The following RAD51B variants were observed in gnomAD, a reference collection of about 807,000 sequenced individuals.
RAD51B encodes RAD51 paralog B.
Under a neutral mutation model 42.2 loss-of-function variants are expected in RAD51B, and 38 were observed. The ratio of observed to expected loss-of-function variants is 0.90; its 90% CI spans 0.70 to 1.18. The LOEUF (loss-of-function observed/expected upper bound fraction) is 1.18. RAD51B is among the 50% of genes most tolerant of loss of function. The pLI is 0.00. For synonymous variants in RAD51B, 154 were observed against 145.2 expected (o/e 1.06, Z -0.43); for missense variants, 373 against 400.7 (o/e 0.93, Z 0.59).
intron 10 of RAD51B, among the ~76,000 whole-genome samples, chr14:68,558,474 G>A (rs1272693750): frequency 6.6e-6 from 1 of 152,168 alleles, no homozygotes. Flanking sequence ...TCAAGGTTTC[G>A]GCAGGGCCAT....
At chr14:68,005,664 C>G (rs1375904155) in intron 7 of RAD51B, among the ~76,000 whole-genome samples, 1 of 152,086 alleles carries the variant, frequency 6.6e-6, no homozygotes, top group East Asian at 1.9e-4. Context: ...GTTAACTTGC[C>G]TTTCTTTGAT....
intron 7 of RAD51B, among the ~76,000 whole-genome samples, chr14:68,272,025 G>A (rs967864508): frequency 1.2e-4 from 18 of 152,172 alleles, no homozygotes; most frequent in African/African-American, 4.3e-4. Context: ...AGCAATTTTT[G>A]TGTGCCACAC....
In RAD51B at chr14:67,933,231, C is replaced by G. The variant is rs372729058; in HGVS notation, c.756+46027C>G. On this transcript the variant is annotated intron_variant, in intron 7 of 10. Coordinates refer to ENST00000471583, the MANE Select transcript of RAD51B (RefSeq NM_133510.4). ...CCATTCCCTGAGGAGTAGTGTTTTC[C>G]ATGGGCTAGAATACTGGGGACCCTG... 5.8e-4 allele frequency among the ~76,000 whole-genome samples: 89 copies of G among 152,258 alleles called. 1 individual carries two copies. In the South Asian group the frequency reaches 0.018, roughly 32 times the overall value.
intron 8 of RAD51B, among the ~76,000 whole-genome samples, chr14:68,399,006 C>T (rs2084007345): frequency 6.6e-6 from 1 of 152,038 alleles, no homozygotes; most frequent in African/African-American, 2.4e-5. Context: ...TGGGATGGGG[C>T]CTAGGATTCT....
chr14:68,642,930 T>C (rs1268532723), intron 10 of RAD51B, among the ~76,000 whole-genome samples: 1 of 152,260 alleles, frequency 6.6e-6, no homozygotes, highest in Non-Finnish European at 1.5e-5. Context: ...AGACTATTTC[T>C]AGTTTAATTC....
chr14:68,438,524 C>T (rs916296895), intron 9 of RAD51B, among the ~76,000 whole-genome samples: 1 of 152,146 alleles, frequency 6.6e-6, no homozygotes, highest in African/African-American at 2.4e-5. Context: ...CCATCCAGGC[C>T]TCAATGACTG....
intron 10 of RAD51B, chr14:68,563,901 C>A (rs530519460): frequency 1.0e-6 from 1 of 985,392 alleles, no homozygotes; most frequent in Non-Finnish European, 1.2e-6. Flanking sequence ...GTAACGGCCA[C>A]AGGCCGATTC....
At chr14:68,020,824 T>C (rs2075852119) in intron 7 of RAD51B, among the ~76,000 whole-genome samples, 2 of 152,186 alleles carry the variant, frequency 1.3e-5, no homozygotes, top group South Asian at 2.1e-4. Flanking sequence ...CAACATATTA[T>C]TTTCTAATCT....
intron 7 of RAD51B, among the ~76,000 whole-genome samples, chr14:68,241,121 C>T (rs2080374681): frequency 6.6e-6 from 1 of 152,206 alleles, no homozygotes; most frequent in African/African-American, 2.4e-5. Context: ...GGCGGAGAAA[C>T]CCAACGTGTG....
At chr14:67,929,861 G>A (rs138157960) in intron 7 of RAD51B, among the ~76,000 whole-genome samples, 7 of 151,278 alleles carry the variant, frequency 4.6e-5, no homozygotes, top group Non-Finnish European at 1.0e-4. Flanking sequence ...TGTTTTCTAG[G>A]CTAGTCTTGA....
chr14:67,912,039 T>A (rs1023906606), intron 7 of RAD51B, among the ~76,000 whole-genome samples: 2 of 152,228 alleles, frequency 1.3e-5, no homozygotes, highest in African/African-American at 4.8e-5. Context: ...TCAGAAAATT[T>A]ATTTTCTTCT....
chr14:68,582,185 G>A (rs1170483974), intron 10 of RAD51B, among the ~76,000 whole-genome samples: 2 of 152,290 alleles, frequency 1.3e-5, no homozygotes, highest in Middle Eastern at 3.4e-3. Flanking sequence ...AAGAGCTTCT[G>A]CACAGCAAAA....
intron 7 of RAD51B, among the ~76,000 whole-genome samples, chr14:68,047,176 A>G (rs923996787): frequency 6.6e-6 from 1 of 152,150 alleles, no homozygotes; most frequent in Non-Finnish European, 1.5e-5. Context: ...TCTGTTCTTT[A>G]ACACCAGAAA....
At chr14:68,086,865 G>A (rs148273740) in intron 7 of RAD51B, among the ~76,000 whole-genome samples, 1,633 of 152,240 alleles carry the variant, frequency 0.011, 36 homozygotes, top group African/African-American at 0.038. Flanking sequence ...GCCAGGCGCG[G>A]TGGCTCATGA....
At chr14:67,988,727 A>G (rs1206245704) in intron 7 of RAD51B, among the ~76,000 whole-genome samples, 1 of 152,216 alleles carries the variant, frequency 6.6e-6, no homozygotes, top group Non-Finnish European at 1.5e-5. Context: ...GGAACAGGCC[A>G]TTGAAAATGA....
chr14:68,157,369 G>A (rs1035198618), intron 7 of RAD51B, among the ~76,000 whole-genome samples: 1 of 152,180 alleles, frequency 6.6e-6, no homozygotes, highest in Non-Finnish European at 1.5e-5. Flanking sequence ...AATCAACAGA[G>A]ATTTGATTAA....
chr14:68,008,734 G>T (rs910539539), intron 7 of RAD51B, among the ~76,000 whole-genome samples: 1 of 151,966 alleles, frequency 6.6e-6, no homozygotes, highest in African/African-American at 2.4e-5. Flanking sequence ...AAGCAGTGTT[G>T]AAATGAAATA....
intron 7 of RAD51B, among the ~76,000 whole-genome samples, chr14:68,093,320 C>T (rs2077135667): frequency 6.6e-6 from 1 of 152,122 alleles, no homozygotes; most frequent in South Asian, 2.1e-4. Context: ...GCTGTGAATC[C>T]ATCTGGTCCT....
chr14:68,326,589 G>C (rs551187927), intron 8 of RAD51B, among the ~76,000 whole-genome samples: 5 of 152,238 alleles, frequency 3.3e-5, no homozygotes, highest in African/African-American at 9.6e-5. Context: ...AGAACTAAAG[G>C]CTTTTGATTA....
Sources: gnomAD v4.1 joint callset for allele counts (sites outside exome capture counted in the v4.1 genomes callset) on GRCh38, gnomAD v4.1.1 for gene constraint, MANE v1.5 for transcripts, NCBI Gene and HGNC (gene_info 2026-07-23, HGNC 2026-07-21) for gene names.